The following ATP9B variants were observed in gnomAD, a reference collection of about 807,000 sequenced individuals.
The protein encoded by ATP9B is probable phospholipid-transporting ATPase IIB.
A neutral mutation model predicts 146.1 loss-of-function variants in ATP9B; 110 were observed. That is an observed-to-expected ratio of 0.75 (90% CI 0.65 to 0.88). ATP9B has a LOEUF of 0.88. Among genes scored for constraint, ATP9B ranks in the 40% least tolerant of loss-of-function variants. The pLI is 0.00. For synonymous variants in ATP9B, 604 were observed against 569.7 expected (o/e 1.06, Z -0.86); for missense variants, 1,499 against 1,496.4 (o/e 1.00, Z -0.03).
At chr18:79,163,052 T>C (rs1294074110) in intron 7 of ATP9B, among the ~76,000 whole-genome samples, 2 of 152,230 alleles carry the variant, frequency 1.3e-5, no homozygotes, top group African/African-American at 4.8e-5. Flanking sequence ...AACTTAGTAA[T>C]ACATTTTTTG....
At chr18:79,299,113 T>G (rs2096572566) in intron 13 of ATP9B, among the ~76,000 whole-genome samples, 1 of 151,918 alleles carries the variant, frequency 6.6e-6, no homozygotes, top group Non-Finnish European at 1.5e-5. Context: ...TCCCAGTTCT[T>G]TCCCCCACAT....
intron 15 of ATP9B, among the ~76,000 whole-genome samples, chr18:79,308,598 G>C (rs577843416): frequency 2.6e-5 from 4 of 152,362 alleles, no homozygotes; most frequent in African/African-American, 9.6e-5. Context: ...AGAGCAGACA[G>C]ACCCATGGAG....
At position 79,136,280 on chromosome 18, in the gene ATP9B, A is replaced by G. The variant is rs539050546; in HGVS notation, c.668-7522A>G. On this transcript the variant is annotated intron_variant, in intron 5 of 29. Transcript: ENST00000426216. ...GAGAACTGACATTTTAATAATATTT[A>G]ATCTTTTGACCCATGTGTGAGATAC... Among the ~76,000 whole-genome samples the G allele has an allele frequency of 1.2e-4, 19 of 152,286 alleles. No homozygotes were observed. The East Asian group carries it at 3.1e-3, about 25-fold the overall frequency.
At chr18:79,336,063 T>C (rs2258038) in intron 17 of ATP9B, among the ~76,000 whole-genome samples, 2,480 of 35,244 alleles carry the variant, frequency 0.07, 12 homozygotes, top group African/African-American at 0.11. Flanking sequence ...TGGCACCAGG[T>C]GCTCCCCTCG....
chr18:79,183,822 C>T (rs1460945544), intron 8 of ATP9B, among the ~76,000 whole-genome samples: 2 of 148,412 alleles, frequency 1.3e-5, no homozygotes, highest in African/African-American at 5.0e-5. Flanking sequence ...CAGTAAGTTG[C>T]ACCAGTACCA....
At chr18:79,157,207 T>TACACACACACACACACAC (rs147810207) in intron 7 of ATP9B, among the ~76,000 whole-genome samples, 2 of 135,326 alleles carry the variant, frequency 1.5e-5, no homozygotes, top group African/African-American at 5.6e-5. Context: ...CTAAAAAAAA[T>TACACACACACACACACAC]ACACACACAC....
chr18:79,376,483 G>C (rs1158172375), intron 29 of ATP9B: 1 of 808,694 alleles, frequency 1.2e-6, no homozygotes, highest in African/African-American at 1.9e-5. Context: ...TCTGCCTCCT[G>C]AGTTCAAGTG....
chr18:79,082,273 C>T (rs1158457897), intron 1 of ATP9B, among the ~76,000 whole-genome samples: 1 of 152,212 alleles, frequency 6.6e-6, no homozygotes, highest in Non-Finnish European at 1.5e-5. Context: ...ATGTTCTTCT[C>T]TAAACTGGTT....
rs139912741 is a variant in ATP9B, at chr18:79,106,218, G to T, written c.294-4137G>T. 2.6e-5 allele frequency among the ~76,000 whole-genome samples: 4 copies of T among 152,236 alleles called. No homozygotes were observed. In the South Asian group the frequency reaches 8.3e-4, roughly 32 times the overall value. On this transcript the variant is annotated intron_variant, in intron 2 of 29. Coordinates refer to ENST00000426216, the MANE Select transcript of ATP9B (RefSeq NM_198531.5). ...TAATCAATAATTTAGAAACTATTTC[G>T]CGTACATAGAAATGCTATTGAGTAA...
intron 12 of ATP9B, among the ~76,000 whole-genome samples, chr18:79,266,576 A>G (rs1320458042): frequency 1.3e-5 from 2 of 152,108 alleles, no homozygotes; most frequent in Non-Finnish European, 2.9e-5. Context: ...TAAGTATGCT[A>G]TAAGTTTGTT....
intron 13 of ATP9B, among the ~76,000 whole-genome samples, chr18:79,291,799 A>G (rs1032535215): frequency 6.6e-6 from 1 of 152,238 alleles, no homozygotes; most frequent in African/African-American, 2.4e-5. Context: ...CAAATGGTCA[A>G]CTGTCAGGAT....
At chr18:79,325,788 ATC>A (rs2146985395) in intron 15 of ATP9B, among the ~76,000 whole-genome samples, 1 of 152,300 alleles carries the variant, frequency 6.6e-6, no homozygotes, top group South Asian at 2.1e-4. Context: ...TGCACGCAGC[ATC>A]TCCAGAGCCA....
intron 8 of ATP9B, among the ~76,000 whole-genome samples, chr18:79,182,566 TG>T (rs992103836): frequency 6.6e-6 from 1 of 152,156 alleles, no homozygotes; most frequent in Non-Finnish European, 1.5e-5. Context: ...CTCCTCTCCC[TG>T]GGGCACTGTA....
chr18:79,241,774 G>A (rs1008533848), intron 11 of ATP9B, among the ~76,000 whole-genome samples: 2 of 152,242 alleles, frequency 1.3e-5, no homozygotes, highest in Non-Finnish European at 2.9e-5. Context: ...CCTAGCAGTT[G>A]TCTTCTGCTG....
intron 13 of ATP9B, among the ~76,000 whole-genome samples, chr18:79,283,776 A>G (rs2096404556): frequency 6.6e-6 from 1 of 152,238 alleles, no homozygotes; most frequent in Non-Finnish European, 1.5e-5. Context: ...TGAACAAATG[A>G]TGCTGAAACA....
chr18:79,233,342 A>T (rs2095810020), intron 11 of ATP9B, among the ~76,000 whole-genome samples: 1 of 152,176 alleles, frequency 6.6e-6, no homozygotes, highest in African/African-American at 2.4e-5. Context: ...GAGAAGAAAG[A>T]ATAGAGCAGA....
chr18:79,217,240 G>A (rs541189381), intron 11 of ATP9B, among the ~76,000 whole-genome samples: 2 of 152,206 alleles, frequency 1.3e-5, no homozygotes, highest in Admixed American at 6.5e-5. Context: ...GCTGGAGTGC[G>A]GTGGCGCAAT....
intron 8 of ATP9B, among the ~76,000 whole-genome samples, chr18:79,190,987 C>T (rs1250764665): frequency 6.6e-6 from 1 of 152,134 alleles, no homozygotes; most frequent in East Asian, 1.9e-4. Context: ...TTGTTTCCCT[C>T]TGCTGATATT....
chr18:79,207,291 T>C (rs1017675993), intron 10 of ATP9B, among the ~76,000 whole-genome samples: 1 of 152,194 alleles, frequency 6.6e-6, no homozygotes, highest in East Asian at 1.9e-4. Context: ...GTCTTTGACC[T>C]GTTTCTTGAC....
Sources: gnomAD v4.1 joint callset for allele counts (sites outside exome capture counted in the v4.1 genomes callset) on GRCh38, gnomAD v4.1.1 for gene constraint, MANE v1.5 for transcripts, NCBI Gene and HGNC (gene_info 2026-07-23, HGNC 2026-07-21) for gene names.